BMPR1B: variants seen among roughly 807,000 people sequenced by gnomAD.
The protein encoded by BMPR1B is bone morphogenetic protein receptor type-1B.
BMPR1B carries 12 observed loss-of-function variants against 59.1 expected under a neutral mutation model. That is an observed-to-expected ratio of 0.20 (90% CI 0.13 to 0.33). The LOEUF (loss-of-function observed/expected upper bound fraction) is 0.33, where lower values mean the gene tolerates loss of function less well. BMPR1B is among the 10% of genes least tolerant of loss of function. BMPR1B has a pLI of 1.00. For missense variants in BMPR1B, 550 were observed against 610.9 expected (o/e 0.90, Z 1.05); for synonymous variants, 237 against 207.3 (o/e 1.14, Z -1.23).
At chr4:95,145,729 T>G (rs1734592830) in intron 10 of BMPR1B, among the ~76,000 whole-genome samples, 1 of 152,200 alleles carries the variant, frequency 6.6e-6, no homozygotes, top group African/African-American at 2.4e-5. Context: ...GCTAAATGTT[T>G]TGGAGGATCT....
intron 3 of BMPR1B, among the ~76,000 whole-genome samples, chr4:95,024,721 C>A (rs1291668355): frequency 6.6e-6 from 1 of 152,092 alleles, no homozygotes; most frequent in African/African-American, 2.4e-5. Context: ...TAAGCCAGAT[C>A]AAGATTAATG....
chr4:94,857,680 G>A (rs144755330), intron 1 of BMPR1B, among the ~76,000 whole-genome samples: 83 of 152,164 alleles, frequency 5.5e-4, no homozygotes, highest in African/African-American at 1.7e-3. Flanking sequence ...TTACTTCCCA[G>A]GTCATTTATT....
At chr4:95,110,311 A>G (rs1302702030) in intron 4 of BMPR1B, among the ~76,000 whole-genome samples, 3 of 151,986 alleles carry the variant, frequency 2.0e-5, no homozygotes, top group African/African-American at 7.2e-5. Context: ...AAACTGAGAC[A>G]ATTTCAAAAA....
At chr4:95,034,557 A>G (rs1230007955) in intron 3 of BMPR1B, among the ~76,000 whole-genome samples, 4 of 151,952 alleles carry the variant, frequency 2.6e-5, no homozygotes, top group African/African-American at 7.2e-5. Flanking sequence ...GAATTATTTC[A>G]CTTAGAATAA....
chr4:94,856,402 C>T (rs866519466), intron 1 of BMPR1B, among the ~76,000 whole-genome samples: 13 of 152,258 alleles, frequency 8.5e-5, no homozygotes, highest in African/African-American at 2.6e-4. Context: ...TCATAGAAAA[C>T]AGCAAGAACC....
At chr4:95,123,274 A>G (rs1732655394) in intron 6 of BMPR1B, among the ~76,000 whole-genome samples, 1 of 152,206 alleles carries the variant, frequency 6.6e-6, no homozygotes, top group South Asian at 2.1e-4. Context: ...TTTGTTTAAA[A>G]CAACGCACAA....
chr4:94,798,334 A>T (rs563875321), intron 1 of BMPR1B, among the ~76,000 whole-genome samples: 1 of 152,344 alleles, frequency 6.6e-6, no homozygotes, highest in South Asian at 2.1e-4. Flanking sequence ...TGCAATTTGT[A>T]TGAAGGGACT....
At chr4:95,111,210 C>G (rs1378421301) in intron 4 of BMPR1B, among the ~76,000 whole-genome samples, 5 of 152,062 alleles carry the variant, frequency 3.3e-5, no homozygotes, top group Non-Finnish European at 7.4e-5. Context: ...CTTGATTGAA[C>G]AGAGCAGATA....
chr4:94,795,023 C>G (rs1249099658), intron 1 of BMPR1B, among the ~76,000 whole-genome samples: 8 of 140,966 alleles, frequency 5.7e-5, no homozygotes, highest in African/African-American at 1.9e-4. Flanking sequence ...CCTTCTCCTG[C>G]CTAATTGCCC....
At chr4:94,900,801 C>G (rs931016508) in intron 2 of BMPR1B, among the ~76,000 whole-genome samples, 2 of 151,880 alleles carry the variant, frequency 1.3e-5, no homozygotes, top group Non-Finnish European at 2.9e-5. Context: ...AAAGGGTATA[C>G]TTCTAGATGT....
intron 10 of BMPR1B, among the ~76,000 whole-genome samples, chr4:95,134,688 A>G (rs377146625): frequency 6.6e-6 from 1 of 152,156 alleles, no homozygotes; most frequent in South Asian, 2.1e-4. Context: ...GTCTGTTCAT[A>G]TCCTTCGCCC....
chr4:95,017,593 C>T (rs1723669422), intron 3 of BMPR1B, among the ~76,000 whole-genome samples: 1 of 152,206 alleles, frequency 6.6e-6, no homozygotes, highest in African/African-American at 2.4e-5. Flanking sequence ...GTTTCCTAGA[C>T]AGATGAATCT....
chr4:94,950,114 T>G (rs1160571361), intron 2 of BMPR1B, among the ~76,000 whole-genome samples: 3 of 152,224 alleles, frequency 2.0e-5, no homozygotes, highest in Non-Finnish European at 4.4e-5. Flanking sequence ...GTTCATATCC[T>G]TTGCCCACTT....
At chr4:95,134,485 CAGTGTAAA>C (rs1733622155) in intron 10 of BMPR1B, among the ~76,000 whole-genome samples, 1 of 152,174 alleles carries the variant, frequency 6.6e-6, no homozygotes, top group Non-Finnish European at 1.5e-5. Flanking sequence ...GCCCCACAAA[CAGTGTAAA>C]AGTGTTCCTA....
At chr4:94,779,596 A>G (rs903273088) in intron 1 of BMPR1B, among the ~76,000 whole-genome samples, 34 of 152,222 alleles carry the variant, frequency 2.2e-4, no homozygotes, top group Admixed American at 2.2e-3. Flanking sequence ...TTTGGGAGGC[A>G]AAGGCCAGTG....
At chr4:95,091,554 A>G in intron 3 of BMPR1B, 5 of 985,220 alleles carry the variant, frequency 5.1e-6, no homozygotes, top group Non-Finnish European at 6.0e-6. Flanking sequence ...ACCCCTAGCA[A>G]TTCTGTGCCT....
intron 1 of BMPR1B, among the ~76,000 whole-genome samples, chr4:94,864,717 A>G (rs910921560): frequency 6.6e-6 from 1 of 152,216 alleles, no homozygotes; most frequent in Non-Finnish European, 1.5e-5. Context: ...TTAATACCCA[A>G]TACAACGTAA....
At chr4:94,983,253 CT>C (rs1220744808) in intron 2 of BMPR1B, among the ~76,000 whole-genome samples, 1 of 151,910 alleles carries the variant, frequency 6.6e-6, no homozygotes, top group Non-Finnish European at 1.5e-5. Flanking sequence ...CTTTTTTTCC[CT>C]ATTTGTTATT....
intron 3 of BMPR1B, among the ~76,000 whole-genome samples, chr4:95,075,785 T>C (rs1728661350): frequency 6.6e-6 from 1 of 152,146 alleles, no homozygotes; most frequent in South Asian, 2.1e-4. Flanking sequence ...AAGTAGGCAC[T>C]CAGATACAGT....
Sources: gnomAD v4.1 joint callset for allele counts (sites outside exome capture counted in the v4.1 genomes callset) on GRCh38, gnomAD v4.1.1 for gene constraint, MANE v1.5 for transcripts, NCBI Gene and HGNC (gene_info 2026-07-23, HGNC 2026-07-21) for gene names.